The following ATPAF1 variants were observed in gnomAD, a reference collection of about 807,000 sequenced individuals.
The protein encoded by ATPAF1 is homolog of yeast ATP11.
ATPAF1 carries 26 observed loss-of-function variants against 43.9 expected under a neutral mutation model. The ratio of observed to expected loss-of-function variants is 0.59; its 90% CI spans 0.43 to 0.82. The LOEUF (loss-of-function observed/expected upper bound fraction) is 0.82. Ranked by LOEUF, ATPAF1 falls within the 40% of genes least tolerant of loss-of-function variation. The pLI is 0.00. For missense variants in ATPAF1, 366 were observed against 435.0 expected, an observed-to-expected ratio of 0.84 and a Z score of 1.41; for synonymous variants, 157 against 168.0, an observed-to-expected ratio of 0.93 and a Z score of 0.50.
chr1:46,640,045 T>C (rs945092201), intron 8 of ATPAF1, among the ~76,000 whole-genome samples: 1 of 152,156 alleles, frequency 6.6e-6, no homozygotes, highest in Non-Finnish European at 1.5e-5. Context: ...ATCAAATTAT[T>C]TCCTATCTTT....
downstream of ATPAF1, chr1:46,633,933 GAA>G: frequency 2.3e-6 from 1 of 436,210 alleles, no homozygotes. Flanking sequence ...GGCATTTAAT[GAA>G]AATGGCAGGG....
At chr1:46,651,038 G>A (rs1290576180) in intron 6 of ATPAF1, among the ~76,000 whole-genome samples, 1 of 151,838 alleles carries the variant, frequency 6.6e-6, no homozygotes, top group African/African-American at 2.4e-5. Flanking sequence ...TAGGGTACAT[G>A]TGCACAATGT....
exon 7 of ATPAF1, chr1:46,645,200 T>C (rs1676019765): frequency 6.2e-7 from 1 of 1,613,922 alleles, no homozygotes; most frequent in Admixed American, 1.7e-5. Context: ...GTTCAGTACC[T>C]GTCCATTGTC....
chr1:46,638,700 A>G (rs13374909), intron 8 of ATPAF1, among the ~76,000 whole-genome samples: 9,527 of 151,506 alleles, frequency 0.063, 860 homozygotes, highest in East Asian at 0.4. Flanking sequence ...AGAGATGTCT[A>G]CCTCTCATGG....
chr1:46,640,215 T>A (rs938809913), intron 8 of ATPAF1, among the ~76,000 whole-genome samples: 1 of 152,208 alleles, frequency 6.6e-6, no homozygotes, highest in Admixed American at 6.5e-5. Flanking sequence ...ATAGATAATA[T>A]GTAAATAAAT....
intron 3 of ATPAF1, 93 bp downstream of exon 3, chr1:46,658,594 A>T: frequency 1.1e-6 from 1 of 901,926 alleles, no homozygotes; most frequent in Non-Finnish European, 1.7e-6. Context: ...AAAATCACTG[A>T]GCCACAGTAC....
chr1:46,632,845 G>A (rs1045997481), downstream of ATPAF1: 2 of 152,576 alleles, frequency 1.3e-5, no homozygotes, highest in Non-Finnish European at 2.9e-5. Context: ...TGGCCCTCAA[G>A]GAGCTCACAG....
intron 6 of ATPAF1, among the ~76,000 whole-genome samples, chr1:46,651,597 C>G (rs933726870): frequency 6.6e-6 from 1 of 151,942 alleles, no homozygotes; most frequent in African/African-American, 2.4e-5. Context: ...AATGGTTGAA[C>G]TAGTTTACAG....
chr1:46,643,155 A>G (rs757729248), intron 8 of ATPAF1, 39 bp downstream of exon 8: 1 of 1,519,054 alleles, frequency 6.6e-7, no homozygotes, highest in South Asian at 1.1e-5. Flanking sequence ...CTTCAGTGCC[A>G]TGAGGTAAAT....
intron 6 of ATPAF1, among the ~76,000 whole-genome samples, chr1:46,647,215 T>A (rs1431731030): frequency 6.6e-6 from 1 of 152,230 alleles, no homozygotes; most frequent in Non-Finnish European, 1.5e-5. Flanking sequence ...AGAGCATGTA[T>A]ACTTTCCCCA....
intron 6 of ATPAF1, among the ~76,000 whole-genome samples, chr1:46,647,433 G>A (rs1676064521): frequency 6.6e-6 from 1 of 152,074 alleles, no homozygotes; most frequent in Admixed American, 6.6e-5. Flanking sequence ...AGAACACCAT[G>A]TTGTTGCATG....
At chr1:46,664,059 AT>A (rs913541887) in intron 2 of ATPAF1, 154 of 335,212 alleles carry the variant, frequency 4.6e-4, no homozygotes, top group East Asian at 9.0e-4. Context: ...TATTTTATAC[AT>A]TTTTTTTTCA....
intron 2 of ATPAF1, 151 bp from the exon 3 acceptor site, chr1:46,658,888 C>T (rs1216629311): frequency 1.9e-6 from 1 of 518,756 alleles, no homozygotes; most frequent in African/African-American, 2.0e-5. Flanking sequence ...AAAATTTTAA[C>T]ACTATTTTAA....
chr1:46,643,850 A>G (rs1569599421), intron 7 of ATPAF1, among the ~76,000 whole-genome samples: 1 of 152,326 alleles, frequency 6.6e-6, no homozygotes, highest in Admixed American at 6.5e-5. Context: ...TTTATGAAGA[A>G]TGATCAGGGC....
intron 7 of ATPAF1, among the ~76,000 whole-genome samples, 190 bp from the exon 8 acceptor site, chr1:46,643,491 T>C (rs1675985725): frequency 6.6e-6 from 1 of 152,198 alleles, no homozygotes; most frequent in South Asian, 2.1e-4. Flanking sequence ...GTTTGCACAG[T>C]GTTATTTGTG....
At chr1:46,654,977 T>C (rs941326329) in intron 4 of ATPAF1, among the ~76,000 whole-genome samples, 9 of 152,120 alleles carry the variant, frequency 5.9e-5, no homozygotes, top group Admixed American at 2.0e-4. Context: ...TGACTCACAG[T>C]TCCACAGGGC....
rs1177386026 is a variant in ATPAF1, at chr1:46,668,239, C to A, written c.84G>T (p.Ala28=). The A allele has an allele frequency of 2.2e-6, 3 of 1,370,452 alleles. No individual in the cohort carries two copies. The African/African-American group carries it at 4.5e-5, about 21-fold the overall frequency. The allele number at this position is 1,370,452 out of a possible 1,614,324, so 84.9% of individuals were successfully genotyped here. Residue 28 remains alanine (A), a synonymous_variant, in exon 1 of 9, where the codon GCG becomes GCT. Transcript: ENST00000574428. This position sits in a 1 kb window ranked among gnomAD's most constrained non-coding sequence, Gnocchi z 4.4. ...CCAGGCCCAGGGCGCGGCTGCGCAC[C>A]GCGCACAGGCCCCGGTAGAGACCGG...
At chr1:46,641,333 C>T (rs1675945715) in intron 8 of ATPAF1, among the ~76,000 whole-genome samples, 1 of 149,776 alleles carries the variant, frequency 6.7e-6, no homozygotes, top group Non-Finnish European at 1.5e-5. Context: ...CCCACCTTGT[C>T]CTCCCAAAAT....
chr1:46,638,549 G>A (rs1251038089), intron 8 of ATPAF1, among the ~76,000 whole-genome samples: 4 of 151,932 alleles, frequency 2.6e-5, no homozygotes, highest in Non-Finnish European at 4.4e-5. Context: ...GTGAACCCGG[G>A]AGGCAGAGCT....
Sources: gnomAD v4.1 joint callset for allele counts (sites outside exome capture counted in the v4.1 genomes callset) on GRCh38, gnomAD v4.1.1 for gene constraint, Gnocchi (gnomAD v3.1) non-coding constraint, MANE v1.5 for transcripts, NCBI Gene and HGNC (gene_info 2026-07-23, HGNC 2026-07-21) for gene names.